Variants in TCF12 observed in about 807,000 individuals in gnomAD.
TCF12 encodes the protein DNA-binding protein HTF4.
TCF12 carries 45 observed loss-of-function variants against 86.0 expected under a neutral mutation model. The observed-to-expected ratio is 0.52, with a 90% CI of 0.41 to 0.67. The LOEUF is 0.67. Ranked by LOEUF, TCF12 falls within the 30% of genes least tolerant of loss-of-function variation. The pLI is 0.00. For missense variants in TCF12, 881 were observed against 859.9 expected, an observed-to-expected ratio of 1.02 and a Z score of -0.31; for synonymous variants, 330 against 299.6, an observed-to-expected ratio of 1.10 and a Z score of -1.05.
chr15:56,981,098 TG>T (rs1242183276), intron 3 of TCF12, among the ~76,000 whole-genome samples: 1 of 152,238 alleles, frequency 6.6e-6, no homozygotes, highest in Non-Finnish European at 1.5e-5. Context: ...AATAGTCATG[TG>T]GGGGACACTA....
At chr15:57,145,142 G>A (rs1000051392) in intron 5 of TCF12, among the ~76,000 whole-genome samples, 2 of 152,142 alleles carry the variant, frequency 1.3e-5, no homozygotes, top group African/African-American at 4.8e-5. Flanking sequence ...TATGCCCAGG[G>A]CTACTGTGCT....
At chr15:57,230,526 A>G (rs1451100679) in intron 8 of TCF12, among the ~76,000 whole-genome samples, 2 of 152,058 alleles carry the variant, frequency 1.3e-5, no homozygotes, top group African/African-American at 2.4e-5. Flanking sequence ...ATCAAAGGAA[A>G]TTAATACTGC....
At chr15:57,245,175 C>G (rs1162617205) in intron 13 of TCF12, among the ~76,000 whole-genome samples, 1 of 152,242 alleles carries the variant, frequency 6.6e-6, no homozygotes, top group Non-Finnish European at 1.5e-5. Context: ...TGGCCATCAC[C>G]TATGCTTTGT....
Position 57,155,523 on chromosome 15 carries a change from G to A in TCF12, c.326-10879G>A, listed in dbSNP as rs888176363. On this transcript the variant is annotated intron_variant, in intron 5 of 20. Coordinates refer to ENST00000333725, the MANE Select transcript of TCF12 (RefSeq NM_207037.2). ...ATTTAAGTCTTAGCAGGCCAGGCATGGTGGCTCACCCCTGTAATCCCATCA... is the reference window on the plus strand; with the variant it reads ...ATTTAAGTCTTAGCAGGCCAGGCATAGTGGCTCACCCCTGTAATCCCATCA... Among the ~76,000 whole-genome samples, 7 of 152,264 alleles carry A rather than the reference G, an allele frequency of 4.6e-5. No individual in the cohort carries two copies. In the East Asian group the frequency reaches 1.2e-3, roughly 25 times the overall value.
chr15:57,274,987 A>T (rs1423913889), intron 19 of TCF12, among the ~76,000 whole-genome samples: 4 of 152,326 alleles, frequency 2.6e-5, no homozygotes, highest in African/African-American at 9.6e-5. Context: ...CCATGCCTAG[A>T]TGGACCTTAT....
chr15:57,024,468 C>T (rs1233591419), intron 3 of TCF12, among the ~76,000 whole-genome samples: 3 of 152,224 alleles, frequency 2.0e-5, no homozygotes, highest in Non-Finnish European at 4.4e-5. Context: ...CCTGCCTCAG[C>T]CTCCCAAAGT....
chr15:56,979,120 T>C (rs1413435699), intron 3 of TCF12, among the ~76,000 whole-genome samples: 6 of 152,192 alleles, frequency 3.9e-5, no homozygotes, highest in Non-Finnish European at 1.5e-5. Context: ...TTTTCTTGTT[T>C]ACTTTGACTC....
At chr15:57,281,452 G>A (rs1372164772) in intron 19 of TCF12, among the ~76,000 whole-genome samples, 7 of 152,166 alleles carry the variant, frequency 4.6e-5, no homozygotes, top group Admixed American at 4.6e-4. Flanking sequence ...TAGAAGAGGG[G>A]TCCCCAACCC....
intron 3 of TCF12, among the ~76,000 whole-genome samples, chr15:57,032,057 G>A (rs1442130242): frequency 6.6e-6 from 1 of 152,084 alleles, no homozygotes; most frequent in Non-Finnish European, 1.5e-5. Flanking sequence ...GACCTCTTTC[G>A]GGCAGGAGGA....
At chr15:57,157,395 A>G (rs1202341242) in intron 5 of TCF12, among the ~76,000 whole-genome samples, 1 of 152,078 alleles carries the variant, frequency 6.6e-6, no homozygotes. Flanking sequence ...ATGTGGTGAC[A>G]TTAAGAAAAA....
intron 4 of TCF12, among the ~76,000 whole-genome samples, chr15:57,081,028 C>T (rs2070596464): frequency 6.6e-6 from 1 of 152,110 alleles, no homozygotes; most frequent in Non-Finnish European, 1.5e-5. Context: ...TTTCCATTTC[C>T]CATTTTGTTT....
chr15:57,212,006 C>T (rs2058123933), intron 8 of TCF12, among the ~76,000 whole-genome samples: 1 of 138,666 alleles, frequency 7.2e-6, no homozygotes, highest in Non-Finnish European at 1.6e-5. Context: ...CACACACACA[C>T]ACTTTAAGAT....
At chr15:57,004,755 C>T (rs1476178861) in intron 3 of TCF12, among the ~76,000 whole-genome samples, 1 of 152,018 alleles carries the variant, frequency 6.6e-6, no homozygotes, top group East Asian at 1.9e-4. Context: ...GGGGTTTCAC[C>T]ATGTTCATCC....
At chr15:57,238,466 A>G (rs537925091) in intron 12 of TCF12, among the ~76,000 whole-genome samples, 2 of 152,190 alleles carry the variant, frequency 1.3e-5, no homozygotes, top group African/African-American at 4.8e-5. Context: ...AGCTTAGTAC[A>G]TCAACACTAA....
At chr15:57,026,952 T>A (rs899990935) in intron 3 of TCF12, among the ~76,000 whole-genome samples, 1 of 152,362 alleles carries the variant, frequency 6.6e-6, no homozygotes, top group Non-Finnish European at 1.5e-5. Context: ...ATAGTTGTTA[T>A]ACTGTATTTT....
intron 6 of TCF12, among the ~76,000 whole-genome samples, chr15:57,173,922 G>A (rs1452618724): frequency 6.6e-6 from 1 of 151,810 alleles, no homozygotes; most frequent in Admixed American, 6.6e-5. Context: ...TGGCCAGGCG[G>A]GTCTCAAACC....
chr15:56,966,787 T>A (rs1244272895), intron 3 of TCF12, among the ~76,000 whole-genome samples: 1 of 152,210 alleles, frequency 6.6e-6, no homozygotes, highest in Non-Finnish European at 1.5e-5. Context: ...TAATTATAAA[T>A]TAAGGTATCA....
At chr15:57,172,473 G>A (rs1722580143) in intron 6 of TCF12, among the ~76,000 whole-genome samples, 1 of 152,130 alleles carries the variant, frequency 6.6e-6, no homozygotes, top group Non-Finnish European at 1.5e-5. Flanking sequence ...CTAACAGGCT[G>A]GAATCATACG....
intron 3 of TCF12, among the ~76,000 whole-genome samples, chr15:56,943,147 A>AT (rs1184588007): frequency 1.3e-5 from 2 of 152,028 alleles, no homozygotes; most frequent in African/African-American, 2.4e-5. Flanking sequence ...ATAGCCTCTT[A>AT]TTTTTTACAC....
Sources: gnomAD v4.1 joint callset for allele counts (sites outside exome capture counted in the v4.1 genomes callset) on GRCh38, gnomAD v4.1.1 for gene constraint, MANE v1.5 for transcripts, NCBI Gene and HGNC (gene_info 2026-07-23, HGNC 2026-07-21) for gene names.